Variants in LYST observed in about 807,000 individuals in gnomAD.
LYST encodes the protein lysosomal trafficking regulator.
In LYST, 192 loss-of-function variants were observed where a neutral mutation model predicts 413.6. The observed-to-expected ratio is 0.46, with a 90% CI of 0.41 to 0.52. The LOEUF (loss-of-function observed/expected upper bound fraction) is 0.52, where lower values mean the gene tolerates loss of function less well. Among genes scored for constraint, LYST ranks in the 20% least tolerant of loss-of-function variants. LYST has a pLI of 0.00. For synonymous variants in LYST, 1,525 were observed against 1,567.3 expected (o/e 0.97, Z 0.64); for missense variants, 3,815 against 4,499.9 (o/e 0.85, Z 4.35).
At chr1:235,765,479 C>A (rs1478596684) in intron 21 of LYST, among the ~76,000 whole-genome samples, 2 of 152,182 alleles carry the variant, frequency 1.3e-5, no homozygotes, top group Non-Finnish European at 2.9e-5. Context: ...AGTTCGAATT[C>A]TCTGGCCTTA....
chr1:235,688,328 AAAAC>A (rs1265723799), intron 47 of LYST, among the ~76,000 whole-genome samples: 3 of 152,214 alleles, frequency 2.0e-5, no homozygotes, highest in Non-Finnish European at 2.9e-5. Flanking sequence ...AAATACGCAA[AAAAC>A]AAACAAACAA....
At position 235,733,892 on chromosome 1, in the gene LYST, A is replaced by G; in HGVS notation, c.8550T>C (p.Tyr2850=). Residue 2850 remains tyrosine, a synonymous_variant, in exon 33 of 53, where the codon TAT becomes TAC. Coordinates refer to ENST00000389793, the MANE Select transcript of LYST (RefSeq NM_000081.4). ...IKMIKEEQKK[Y]ETEEGVNKAA... ...CTTTATTCACTCCTTCTTCAGTTTC[A>G]TATTTCTTTTGTTCCTAGAAGATTT... The G allele has an allele frequency of 6.3e-7, 1 of 1,578,260 alleles. No individual in the cohort carries two copies. Among genetic ancestry groups the G allele is most frequent in the South Asian group, 1.1e-5 (1 of 90,206 alleles).
intron 1 of LYST, among the ~76,000 whole-genome samples, chr1:235,841,162 T>A (rs1677160495): frequency 6.6e-6 from 1 of 152,198 alleles, no homozygotes; most frequent in Admixed American, 6.5e-5. Flanking sequence ...TCAAAATGTA[T>A]ACCTTCTCAA....
intron 48 of LYST, among the ~76,000 whole-genome samples, chr1:235,684,071 A>G (rs1660029422): frequency 6.6e-6 from 1 of 152,232 alleles, no homozygotes; most frequent in Non-Finnish European, 1.5e-5. Flanking sequence ...GCAAATATAT[A>G]ACTGAGGACA....
At chr1:235,791,246 C>A (rs1460714637) in intron 12 of LYST, among the ~76,000 whole-genome samples, 2 of 152,008 alleles carry the variant, frequency 1.3e-5, no homozygotes, top group African/African-American at 2.4e-5. Context: ...CGCGCCATTG[C>A]ACTCTAGCCT....
At chr1:235,663,569 A>G (rs1397985115) in intron 52 of LYST, among the ~76,000 whole-genome samples, 2 of 152,260 alleles carry the variant, frequency 1.3e-5, no homozygotes, top group Non-Finnish European at 2.9e-5. Flanking sequence ...TTAATTTAAT[A>G]AAGTAAAATT....
intron 44 of LYST, 149 bp from the exon 45 acceptor site, chr1:235,703,126 C>T: frequency 1.5e-6 from 1 of 660,084 alleles, no homozygotes; most frequent in South Asian, 1.7e-5. Flanking sequence ...CATGGTCTCA[C>T]TGAGATCAGA....
In LYST at chr1:235,733,546, T is replaced by G. The variant is rs775818987; in HGVS notation, c.8758A>C (p.Ser2920Arg). The G allele has an allele frequency of 1.2e-6, 2 of 1,614,056 alleles. No homozygotes were observed. Among genetic ancestry groups the G allele is most frequent in the Non-Finnish European group, 8.5e-7 (1 of 1,179,946 alleles). The change falls in exon 34 of 53, where the codon AGC becomes CGC. Residue 2920 changes from serine to arginine, a missense_variant. By Grantham distance (110) the Ser-to-Arg change is moderately radical. Transcript: ENST00000389793. ...RGMYKVDLSASRHWQELIQQL... is the reference protein window; with the variant it reads ...RGMYKVDLSARRHWQELIQQL... ...TGAATAAGTTCCTGCCAATGTCTGC[T>G]GGCACTCAAATCTACTTTATACATT...
intron 14 of LYST, among the ~76,000 whole-genome samples, chr1:235,783,438 T>C (rs1385511650): frequency 6.6e-6 from 1 of 152,044 alleles, no homozygotes; most frequent in African/African-American, 2.4e-5. Flanking sequence ...AATGAGAACA[T>C]ACGGACACAG....
intron 48 of LYST, among the ~76,000 whole-genome samples, chr1:235,685,330 C>T (rs945821781): frequency 2.0e-5 from 3 of 152,058 alleles, no homozygotes; most frequent in South Asian, 4.2e-4. Flanking sequence ...GTGGCCTTCT[C>T]GTTGGTGTCC....
At chr1:235,693,251 G>T in intron 47 of LYST, 99 bp downstream of exon 47, 1 of 887,690 alleles carries the variant, frequency 1.1e-6, no homozygotes, top group Non-Finnish European at 1.8e-6. Context: ...GGGAGGTGGA[G>T]CTTGCAGTGA....
chr1:235,718,027 C>A (rs977194655), intron 40 of LYST, among the ~76,000 whole-genome samples: 42 of 151,906 alleles, frequency 2.8e-4, no homozygotes, highest in African/African-American at 1.0e-3. Flanking sequence ...CCACGCCTGG[C>A]TAATTTTTGT....
chr1:235,869,301 T>A (rs888778611), upstream of LYST, among the ~76,000 whole-genome samples: 1 of 151,890 alleles, frequency 6.6e-6, no homozygotes, highest in Non-Finnish European at 1.5e-5. Flanking sequence ...TGAAACCCCG[T>A]CTCTACTAAA....
At chr1:235,786,458 A>G (rs1488965823) in intron 14 of LYST, among the ~76,000 whole-genome samples, 1 of 152,222 alleles carries the variant, frequency 6.6e-6, no homozygotes, top group African/African-American at 2.4e-5. Context: ...GTGGGTCTGT[A>G]AACTAGTTCA....
chr1:235,839,281 G>T (rs1306957159), intron 1 of LYST, among the ~76,000 whole-genome samples: 1 of 149,710 alleles, frequency 6.7e-6, no homozygotes, highest in Admixed American at 6.6e-5. Context: ...TTTTGAGACA[G>T]AATCTCGCTC....
Position 235,810,390 on chromosome 1 carries a change from C to T in LYST, c.428G>A (p.Ser143Asn), listed in dbSNP as rs749936152. Residue 143 changes from serine (S) to asparagine (N), a missense_variant, in exon 5 of 53, where the codon AGC becomes AAC. Around this residue, in one of 4 missense-constraint regions of LYST, gnomAD observed 1,648 missense variants for 1,810.3 expected, o/e 0.91. Coordinates refer to ENST00000389793, the MANE Select transcript of LYST (RefSeq NM_000081.4). ...ATGGGTAATTTTACGCTGTCGTCTGCTTTTTCGAAAAACATTTACTTTTGC... is the reference window on the plus strand; with the variant it reads ...ATGGGTAATTTTACGCTGTCGTCTGTTTTTTCGAAAAACATTTACTTTTGC... The part of the protein sequence containing the change: ...VSAKVNVFRK[S>N]RRQRKITHRY... The T allele has an allele frequency of 6.2e-7, 1 of 1,612,278 alleles. No homozygotes were observed.
In LYST at chr1:235,759,561, C is replaced by T. The variant is rs146091043; in HGVS notation, c.6292G>A (p.Ala2098Thr). ...AGGCTTCTAGAACGCAGCATATGGG[C>T]GGCCATCTGTTGTGGAATAATATTA... is the stretch of plus-strand genomic sequence containing the variant. ...SSNIIPQQMA[A>T]HMLRSRSLPA... The change falls in exon 23 of 53, where the codon GCC becomes ACC. Residue 2098 changes from alanine to threonine, a missense_variant. By Grantham distance (58) the Ala-to-Thr change is moderately conservative. Transcript: ENST00000389793. 835 of 1,613,272 alleles carry T rather than the reference C, an allele frequency of 5.2e-4. 6 individuals are homozygous for T. In the African/African-American group the frequency reaches 9.9e-3, roughly 19 times the overall value.
chr1:235,685,923 G>GT, intron 48 of LYST, among the ~76,000 whole-genome samples: 1 of 151,732 alleles, frequency 6.6e-6, no homozygotes, highest in Non-Finnish European at 1.5e-5. Context: ...AGAAATACAG[G>GT]TTTCACTCAG....
intron 49 of LYST, 118 bp downstream of exon 49, chr1:235,677,362 T>C: frequency 2.5e-6 from 3 of 1,217,000 alleles, no homozygotes; most frequent in Admixed American, 1.7e-5. Context: ...CCTTTAAGCA[T>C]GTGTTTCATG....
Sources: gnomAD v4.1 joint callset for allele counts (sites outside exome capture counted in the v4.1 genomes callset) on GRCh38, gnomAD v4.1.1 for gene constraint, gnomAD v4.1.1 regional missense constraint, MANE v1.5 for transcripts, NCBI Gene and HGNC (gene_info 2026-07-23, HGNC 2026-07-21) for gene names.